Variants in PEMT observed in about 807,000 individuals in gnomAD.
PEMT encodes the protein phosphatidylethanolamine N-methyltransferase.
A neutral mutation model predicts 27.4 loss-of-function variants in PEMT; 23 were observed. The observed-to-expected ratio is 0.84, with a 90% CI of 0.60 to 1.19. PEMT has a LOEUF of 1.19. PEMT is among the 50% of genes most tolerant of loss of function. PEMT has a pLI of 0.00. For missense variants in PEMT, 307 were observed against 310.1 expected, an observed-to-expected ratio of 0.99 and a Z score of 0.07; for synonymous variants, 137 against 139.1, an observed-to-expected ratio of 0.98 and a Z score of 0.11.
At chr17:17,537,340 C>T (rs1202845464) in intron 2 of PEMT, among the ~76,000 whole-genome samples, 1 of 152,200 alleles carries the variant, frequency 6.6e-6, no homozygotes, top group Non-Finnish European at 1.5e-5. Flanking sequence ...ACTAAGAACC[C>T]CCCACCGGCC....
At chr17:17,533,734 C>CTT (rs35298651) in intron 2 of PEMT, among the ~76,000 whole-genome samples, 1 of 145,730 alleles carries the variant, frequency 6.9e-6, no homozygotes, top group South Asian at 2.2e-4. Flanking sequence ...CAGTGTCTCT[C>CTT]TTTTTTTTTT....
intron 2 of PEMT, among the ~76,000 whole-genome samples, chr17:17,526,732 G>A (rs1157094151): frequency 2.0e-5 from 3 of 152,248 alleles, no homozygotes; most frequent in Non-Finnish European, 4.4e-5. Context: ...TATTCTTGGT[G>A]TCCTTGGACT....
At chr17:17,580,373 A>C (rs1021776671) in intron 1 of PEMT, among the ~76,000 whole-genome samples, 1 of 152,124 alleles carries the variant, frequency 6.6e-6, no homozygotes, top group African/African-American at 2.4e-5. Flanking sequence ...GCTACTCGGG[A>C]GGCTGAGGCA....
In PEMT at chr17:17,538,626, G is replaced by A. The variant is rs568420485; in HGVS notation, c.205-16231C>T. Among the ~76,000 whole-genome samples, 6 of 152,320 alleles carry A rather than the reference G, an allele frequency of 3.9e-5. No homozygotes were observed. In the East Asian group the frequency reaches 1.2e-3, roughly 29 times the overall value. On this transcript the variant is annotated intron_variant, in intron 2 of 6. Coordinates refer to ENST00000255389, the MANE Select transcript of PEMT (RefSeq NM_148172.3). ...CAGTTGTTTCATCAGAAGATTCGCTGAGTCATTTAAATAGGGAGGCTTTCT... is the reference window on the plus strand; with the variant it reads ...CAGTTGTTTCATCAGAAGATTCGCTAAGTCATTTAAATAGGGAGGCTTTCT...
chr17:17,509,012 C>T (rs758450768), intron 5 of PEMT, among the ~76,000 whole-genome samples: 1 of 152,272 alleles, frequency 6.6e-6, no homozygotes, highest in Non-Finnish European at 1.5e-5. Context: ...CATTTTTAAA[C>T]GGTTAAAAGC....
chr17:17,539,559 G>A (rs530872240), intron 2 of PEMT, among the ~76,000 whole-genome samples: 1 of 152,336 alleles, frequency 6.6e-6, no homozygotes, highest in South Asian at 2.1e-4. Flanking sequence ...CTTTGGTGTG[G>A]ACGTGCCACA....
chr17:17,569,646 C>T (rs376934357), intron 2 of PEMT, among the ~76,000 whole-genome samples: 2 of 152,232 alleles, frequency 1.3e-5, no homozygotes, highest in East Asian at 3.8e-4. Context: ...GGAAGTCAGA[C>T]ACAGGCAACT....
chr17:17,590,366 G>A (rs2142771083), intron 1 of PEMT, among the ~76,000 whole-genome samples: 1 of 152,296 alleles, frequency 6.6e-6, no homozygotes, highest in South Asian at 2.1e-4. Flanking sequence ...CCTCCTCTGG[G>A]GAATCTTGCC....
chr17:17,507,089 C>T (rs1042253601), intron 5 of PEMT: 4 of 1,397,184 alleles, frequency 2.9e-6, no homozygotes, highest in Non-Finnish European at 4.0e-6. Context: ...GTGACGGCAC[C>T]AAGGAGCCCG....
intron 2 of PEMT, among the ~76,000 whole-genome samples, chr17:17,534,343 T>G (rs930705837): frequency 1.3e-5 from 2 of 152,072 alleles, no homozygotes; most frequent in Non-Finnish European, 2.9e-5. Context: ...CAGACAAACA[T>G]AGAGTATACT....
In PEMT at chr17:17,591,563, A is replaced by T; in HGVS notation, c.64T>A (p.Cys22Ser). 1 of 1,613,714 alleles carries T rather than the reference A, an allele frequency of 6.2e-7. No homozygotes were observed. Among genetic ancestry groups the T allele is most frequent in the Non-Finnish European group, 8.5e-7 (1 of 1,179,788 alleles). The change falls in exon 1 of 7, where the codon TGC (cysteine) becomes AGC (serine). Residue 22 changes from cysteine to serine, a missense_variant. Cys to Ser is a moderately radical substitution (Grantham distance 112). Coordinates refer to ENST00000255389, the MANE Select transcript of PEMT (RefSeq NM_148172.3). Reference sequence around the variant, plus strand: ...AAATCAATATTGCCGAGGCCTCCGCAGCAGTCAGGCCCTGCCACCGAGCTG... The same window carrying T: ...AAATCAATATTGCCGAGGCCTCCGCTGCAGTCAGGCCCTGCCACCGAGCTG... Reference protein sequence around the residue: ...TNSSVAGPDCCGGLGNIDFRQ... With the variant: ...TNSSVAGPDCSGGLGNIDFRQ...
rs1011909845 is a variant in PEMT, at chr17:17,523,278, A to G, written c.205-883T>C. On this transcript the variant is annotated intron_variant, in intron 2 of 6. Coordinates refer to ENST00000255389, the MANE Select transcript of PEMT (RefSeq NM_148172.3). This position sits in a 1 kb window ranked among gnomAD's most constrained non-coding sequence, Gnocchi z 4.8. ...CCTGTGTGTGCACAGGAAGAGCCTC[A>G]GAGGCCTGCTCCCAGCCACCTACCT... Among the ~76,000 whole-genome samples, 3 of 152,200 alleles carry G rather than the reference A, an allele frequency of 2.0e-5. No homozygotes were observed. The highest frequency in any genetic ancestry group is 2.9e-5 in the Non-Finnish European group (2 of 68,034).
chr17:17,582,245 C>A lies in PEMT; in HGVS notation c.97-5218G>T. 1.0e-6 allele frequency: 1 copy of A among 985,302 alleles called. No individual in the cohort carries two copies. The highest frequency in any genetic ancestry group is 1.2e-6 in the Non-Finnish European group (1 of 829,830). The allele number at this position is 985,302 out of a possible 1,614,324, so 61.0% of individuals were successfully genotyped here. A position where few individuals can be genotyped will look rare whatever the true frequency, so the allele number is the denominator to read the frequency against. On this transcript the variant is annotated intron_variant, in intron 1 of 6. Transcript: ENST00000255389. This position sits in a 1 kb window ranked among gnomAD's most constrained non-coding sequence, Gnocchi z 4.9. ...AGGTTGCAGAGGCCTCGGAATCTGA[C>A]TAAAGGAAAGGAGCTACCCACCACG...
intron 2 of PEMT, among the ~76,000 whole-genome samples, chr17:17,569,123 A>G (rs1658427559): frequency 6.6e-6 from 1 of 152,218 alleles, no homozygotes; most frequent in Non-Finnish European, 1.5e-5. Context: ...AGAGACTCTC[A>G]GGCTAAAAGC....
chr17:17,529,588 C>A (rs948131514), intron 2 of PEMT, among the ~76,000 whole-genome samples: 2 of 152,216 alleles, frequency 1.3e-5, no homozygotes, highest in African/African-American at 4.8e-5. Context: ...CTGCCCACTT[C>A]CAGACAACCT....
At chr17:17,566,420 G>A (rs1910832164) in intron 2 of PEMT, among the ~76,000 whole-genome samples, 2 of 152,190 alleles carry the variant, frequency 1.3e-5, no homozygotes, top group African/African-American at 2.4e-5. Context: ...GGCCAGGCCC[G>A]GGACATCCAC....
Position 17,506,229 on chromosome 17 carries a change from T to C in PEMT, c.651A>G (p.Glu217=). 1.3e-6 allele frequency: 2 copies of C among 1,569,962 alleles called. No homozygotes were observed. The highest frequency in any genetic ancestry group is 1.7e-6 in the Non-Finnish European group (2 of 1,155,966). The change falls in exon 6 of 7, where the codon GAA becomes GAG. Residue 217 remains glutamate, a splice_region_variant and synonymous_variant. Coordinates refer to ENST00000255389, the MANE Select transcript of PEMT (RefSeq NM_148172.3). The part of the protein sequence containing the change: ...ALTYIVALLY[E]EPFTAEIYRQ... ...CACCCGCCGCAGCCCCTACTCACTC[T>C]TCGTATAGGAGAGCCACTATGTAGG...
At chr17:17,591,922 C>A (rs910233102), upstream of PEMT, 1 of 985,354 alleles carries the variant, frequency 1.0e-6, no homozygotes, top group Non-Finnish European at 1.2e-6. Context: ...GCCTCCCGCC[C>A]AGTGCCTTTG....
intron 3 of PEMT, among the ~76,000 whole-genome samples, chr17:17,516,113 GTC>G (rs1409813163): frequency 6.6e-6 from 1 of 152,054 alleles, no homozygotes; most frequent in Admixed American, 6.5e-5. Flanking sequence ...ATCCTGGGGT[GTC>G]TCCGCAACGT....
Sources: gnomAD v4.1 joint callset for allele counts (sites outside exome capture counted in the v4.1 genomes callset) on GRCh38, gnomAD v4.1.1 for gene constraint, Gnocchi (gnomAD v3.1) non-coding constraint, MANE v1.5 for transcripts, NCBI Gene and HGNC (gene_info 2026-07-23, HGNC 2026-07-21) for gene names.